The following RBFOX1 variants were observed in gnomAD, a reference collection of about 807,000 sequenced individuals.
RBFOX1 encodes the protein RNA binding protein fox-1 homolog 1.
Under a neutral mutation model 57.7 loss-of-function variants are expected in RBFOX1, and 8 were observed. The observed-to-expected ratio is 0.14, with a 90% CI of 0.08 to 0.25. The LOEUF is 0.25. Among genes scored for constraint, RBFOX1 ranks in the 10% least tolerant of loss-of-function variants. RBFOX1 has a pLI of 1.00. For synonymous variants in RBFOX1, 326 were observed against 222.4 expected (o/e 1.47, Z -4.15); for missense variants, 611 against 548.5 (o/e 1.11, Z -1.14).
intron 5 of RBFOX1, among the ~76,000 whole-genome samples, chr16:7,525,396 A>C (rs531174683): frequency 6.6e-6 from 1 of 152,158 alleles, no homozygotes; most frequent in Non-Finnish European, 1.5e-5. Context: ...CCATCAGGCT[A>C]CAGTACAGAG....
chr16:5,543,475 C>A (rs1387923107), intron 2 of RBFOX1, among the ~76,000 whole-genome samples: 1 of 152,024 alleles, frequency 6.6e-6, no homozygotes, highest in African/African-American at 2.4e-5. Flanking sequence ...GCAACAGAAA[C>A]TGTCCAAAAT....
At chr16:6,212,810 A>C (rs1054061653) in intron 1 of RBFOX1, among the ~76,000 whole-genome samples, 1 of 152,196 alleles carries the variant, frequency 6.6e-6, no homozygotes, top group Admixed American at 6.5e-5. Context: ...CATACTCTTT[A>C]ATTTTTTCTC....
Position 7,665,102 on chromosome 16 carries a change from G to C in RBFOX1, c.930+134G>C, listed in dbSNP as rs2068838054. 11 of 1,561,082 alleles carry C rather than the reference G, an allele frequency of 7.0e-6. No individual in the cohort carries two copies. In the South Asian group the frequency reaches 8.1e-5, roughly 12 times the overall value. ...TCTGTAGGAAATAATTCCGTGGTTT[G>C]TCTTGCAGGACAGAAAGCCTTCTGC... On this transcript the variant is annotated intron_variant, in intron 13 of 15. Coordinates refer to ENST00000550418, the MANE Select transcript of RBFOX1 (RefSeq NM_018723.4).
At chr16:7,692,144 C>T (rs886634420) in intron 14 of RBFOX1, among the ~76,000 whole-genome samples, 2 of 152,096 alleles carry the variant, frequency 1.3e-5, no homozygotes, top group African/African-American at 2.4e-5. Context: ...AGCCCAAAAT[C>T]TTATGTTAAC....
chr16:5,539,435 A>C (rs559731317), intron 2 of RBFOX1, among the ~76,000 whole-genome samples: 1 of 151,406 alleles, frequency 6.6e-6, no homozygotes, highest in South Asian at 2.1e-4. Context: ...TCTACTGAAA[A>C]TACAAAATTA....
At chr16:5,422,440 T>G (rs111063926) in intron 1 of RBFOX1, among the ~76,000 whole-genome samples, 83,407 of 84,300 alleles carry the variant, frequency 0.99, 41,258 homozygotes, top group East Asian at 0.99. Context: ...GGGAGTATGA[T>G]GGAGAGGGAA....
At chr16:6,540,485 G>T (rs1389936157) in intron 2 of RBFOX1, among the ~76,000 whole-genome samples, 1 of 151,644 alleles carries the variant, frequency 6.6e-6, no homozygotes. Flanking sequence ...GGTGGCATGC[G>T]CATGTAGTCC....
chr16:7,027,594 C>A (rs899755839), intron 3 of RBFOX1, among the ~76,000 whole-genome samples: 1 of 151,990 alleles, frequency 6.6e-6, no homozygotes, highest in African/African-American at 2.4e-5. Context: ...TTAGAAATAC[C>A]CAGCCAGGGA....
At chr16:5,727,967 G>C (rs1395283223) in intron 3 of RBFOX1, among the ~76,000 whole-genome samples, 1 of 152,184 alleles carries the variant, frequency 6.6e-6, no homozygotes, top group Non-Finnish European at 1.5e-5. Context: ...GATTACAGGA[G>C]ACAGCTACCA....
chr16:6,667,607 C>T (rs2098740757), intron 3 of RBFOX1, among the ~76,000 whole-genome samples: 1 of 152,088 alleles, frequency 6.6e-6, no homozygotes, highest in South Asian at 2.1e-4. Context: ...GCTGGCTGGG[C>T]ACGGTGGCTC....
intron 3 of RBFOX1, among the ~76,000 whole-genome samples, chr16:6,760,943 G>A (rs1317455788): frequency 3.9e-5 from 6 of 152,124 alleles, no homozygotes; most frequent in Admixed American, 2.6e-4. Flanking sequence ...CATCAGGATC[G>A]GACTGTAATG....
intron 3 of RBFOX1, among the ~76,000 whole-genome samples, chr16:5,818,062 A>G (rs1400847189): frequency 6.6e-6 from 1 of 152,208 alleles, no homozygotes; most frequent in Non-Finnish European, 1.5e-5. Flanking sequence ...AGTTTTAAGC[A>G]GGAGACAGGT....
chr16:7,173,098 G>A (rs908166402), intron 4 of RBFOX1, among the ~76,000 whole-genome samples: 1 of 152,120 alleles, frequency 6.6e-6, no homozygotes, highest in Non-Finnish European at 1.5e-5. Flanking sequence ...AAAGACTAGG[G>A]TTTAGTATCA....
chr16:6,722,677 T>C (rs897913019), intron 3 of RBFOX1, among the ~76,000 whole-genome samples: 1 of 152,242 alleles, frequency 6.6e-6, no homozygotes, highest in African/African-American at 2.4e-5. Context: ...TAAAATTCTG[T>C]GTCTCTCTTG....
intron 3 of RBFOX1, among the ~76,000 whole-genome samples, chr16:5,647,348 T>C (rs2049087115): frequency 6.6e-6 from 1 of 152,196 alleles, no homozygotes; most frequent in South Asian, 2.1e-4. Context: ...GGAAATTGTA[T>C]TTTAGAAAAA....
intron 3 of RBFOX1, among the ~76,000 whole-genome samples, chr16:6,989,991 G>C (rs1427212876): frequency 2.0e-5 from 3 of 152,058 alleles, no homozygotes; most frequent in African/African-American, 7.2e-5. Context: ...ACAAGAGCGA[G>C]ACTCTGTTTC....
intron 2 of RBFOX1, among the ~76,000 whole-genome samples, chr16:6,337,422 A>G (rs1469104407): frequency 2.0e-5 from 3 of 152,226 alleles, no homozygotes; most frequent in Admixed American, 6.5e-5. Flanking sequence ...AACCAGAACA[A>G]ACCTCAGATA....
chr16:6,124,385 T>G (rs1477290985), intron 1 of RBFOX1, among the ~76,000 whole-genome samples: 1 of 152,170 alleles, frequency 6.6e-6, no homozygotes, highest in African/African-American at 2.4e-5. Context: ...GCCTTTGTAT[T>G]GTAGGATTTG....
chr16:7,595,495 G>A (rs958497537), intron 7 of RBFOX1, 54 bp from the exon 8 acceptor site: 13 of 1,379,902 alleles, frequency 9.4e-6, no homozygotes, highest in Non-Finnish European at 1.3e-5. Flanking sequence ...CCAAGTGGTC[G>A]TTGACTGAAA....
Sources: allele counts gnomAD v4.1 joint callset (sites outside exome capture counted in the v4.1 genomes callset), GRCh38; gene constraint gnomAD v4.1.1; transcripts MANE v1.5; gene names NCBI Gene and HGNC (gene_info 2026-07-23, HGNC 2026-07-21).